OPHN1: variants seen among roughly 807,000 people sequenced by gnomAD.
OPHN1 encodes the protein oligophrenin 1, also known as oligophrenin-1.
A neutral mutation model predicts 60.7 loss-of-function variants in OPHN1; 11 were observed. The ratio of observed to expected loss-of-function variants is 0.18; its 90% CI spans 0.11 to 0.30. The LOEUF (loss-of-function observed/expected upper bound fraction) is 0.30. Among genes scored for constraint, OPHN1 ranks in the 10% least tolerant of loss-of-function variants. OPHN1 has a pLI of 1.00. For synonymous variants in OPHN1, 226 were observed against 222.6 expected, an observed-to-expected ratio of 1.02 and a Z score of -0.14; for missense variants, 449 against 611.0, an observed-to-expected ratio of 0.73 and a Z score of 2.80.
intron 2 of OPHN1, among the ~76,000 whole-genome samples, chrX:68,422,641 A>T (rs1229973515): frequency 1.0e-5 from 1 of 98,685 alleles, no homozygotes; most frequent in African/African-American, 3.7e-5. Flanking sequence ...AAAGGAAGGA[A>T]GGAAGGAGGG....
chrX:68,181,171 C>G (rs1365102005), intron 15 of OPHN1, among the ~76,000 whole-genome samples: 1 of 110,946 alleles, frequency 9.0e-6, no homozygotes, highest in Non-Finnish European at 1.9e-5. Context: ...CTGTAAGTAA[C>G]AAGCCTGAAT....
At chrX:68,417,413 C>T (rs1434940327) in intron 2 of OPHN1, among the ~76,000 whole-genome samples, 2 of 112,076 alleles carry the variant, frequency 1.8e-5, no homozygotes, top group Admixed American at 1.9e-4. Context: ...TTCCTTATCC[C>T]CTCTCTCTTC....
At chrX:68,155,766 C>G (rs1692223994) in intron 15 of OPHN1, among the ~76,000 whole-genome samples, 1 of 111,721 alleles carries the variant, frequency 9.0e-6, no homozygotes, top group African/African-American at 3.3e-5. Flanking sequence ...GAAAACCCAA[C>G]CTGATAAGCA....
intron 15 of OPHN1, among the ~76,000 whole-genome samples, chrX:68,156,758 T>A (rs1159347933): frequency 9.0e-6 from 1 of 111,618 alleles, no homozygotes; most frequent in African/African-American, 3.3e-5. Flanking sequence ...CTTGAAAAAA[T>A]TTACAAAATG....
At chrX:68,275,514 G>A (rs1422558342) in intron 4 of OPHN1, among the ~76,000 whole-genome samples, 1 of 111,254 alleles carries the variant, frequency 9.0e-6, no homozygotes, top group Non-Finnish European at 1.9e-5. Flanking sequence ...ATATGTTCAA[G>A]GCAACAAGTG....
At chrX:68,063,178 C>G (rs2076899217) in intron 21 of OPHN1, among the ~76,000 whole-genome samples, 1 of 109,683 alleles carries the variant, frequency 9.1e-6, no homozygotes, top group Non-Finnish European at 1.9e-5. Context: ...CTACAGCAGC[C>G]TCCATTTCCA....
chrX:68,234,445 A>G lies in OPHN1; in HGVS notation c.486+42T>C, dbSNP rs758569231. 4 of 994,490 alleles carry G rather than the reference A, an allele frequency of 4.0e-6. No individual in the cohort carries two copies. In the South Asian group the frequency reaches 7.6e-5, roughly 19 times the overall value. 82.0% of individuals were successfully genotyped at this position (994,490 alleles called of 1,213,427 possible). On this transcript the variant is annotated intron_variant, in intron 6 of 24. Transcript: ENST00000355520. ...ACAAAATTCACACTGTTTCTAAGGC[A>G]TAGCTAGCAATGGAAGGCAGGGGCA...
chrX:68,244,105 CA>C (rs1225846756), intron 5 of OPHN1, among the ~76,000 whole-genome samples: 3 of 112,519 alleles, frequency 2.7e-5, no homozygotes, highest in Non-Finnish European at 3.8e-5. Context: ...TCACTTCAGA[CA>C]CAATGGCCTT....
intron 15 of OPHN1, among the ~76,000 whole-genome samples, chrX:68,142,802 C>A (rs771590136): frequency 9.0e-6 from 1 of 111,610 alleles, no homozygotes; most frequent in African/African-American, 3.3e-5. Flanking sequence ...TTATAATCTA[C>A]GATCAAATTC....
intron 5 of OPHN1, among the ~76,000 whole-genome samples, chrX:68,235,753 G>C (rs2077750144): frequency 9.1e-6 from 1 of 110,477 alleles, no homozygotes; most frequent in African/African-American, 3.3e-5. Context: ...AGCTACTTGG[G>C]AGGCTGAGGC....
intron 12 of OPHN1, 33 bp from the exon 13 acceptor site, chrX:68,194,531 C>T (rs1318128623): frequency 1.8e-6 from 2 of 1,127,082 alleles, no homozygotes; most frequent in African/African-American, 1.8e-5. Flanking sequence ...AGATCCATGG[C>T]TATTGTCAAT....
rs908167398 is a variant in OPHN1 at position 68,113,471 on chromosome X, G to A, written c.1362-232C>T. ...TAGCAAGGTCTCCAACTAGCTCCCA[G>A]AAGTAAAAAGAGGCACAAACCAGTC... On this transcript the variant is annotated intron_variant, in intron 16 of 24. Transcript: ENST00000355520. Among the ~76,000 whole-genome samples, 6 of 111,524 alleles carry A rather than the reference G, an allele frequency of 5.4e-5. No homozygotes were observed. In the Admixed American group the frequency reaches 5.7e-4, roughly 11 times the overall value.
intron 15 of OPHN1, 86 bp from the exon 16 acceptor site, chrX:68,119,418 A>G (rs780080844): frequency 1.5e-6 from 1 of 673,797 alleles, no homozygotes; most frequent in Non-Finnish European, 2.4e-6. Flanking sequence ...AACAAAGTAT[A>G]TTACCCTAAG....
chrX:68,067,710 G>A (rs1049787224), intron 20 of OPHN1, among the ~76,000 whole-genome samples: 1 of 110,573 alleles, frequency 9.0e-6, no homozygotes. Context: ...TTAAAGAAGT[G>A]GAATAATCAG....
chrX:68,433,686 G>A (rs1428584442), upstream of OPHN1: 1 of 296,135 alleles, frequency 3.4e-6, no homozygotes, highest in Non-Finnish European at 5.9e-6. Context: ...CTGGTGCAAG[G>A]GAGCCGGCCG....
chrX:68,386,410 A>C lies in OPHN1; in HGVS notation c.154+46457T>G, dbSNP rs763876165. On this transcript the variant is annotated intron_variant, in intron 2 of 24. Coordinates refer to ENST00000355520, the MANE Select transcript of OPHN1 (RefSeq NM_002547.3). ...TTTAACCCCTTCCTGAAACTAGACA[A>C]GAAACTACAATGAATAAACCTTTTC... Among the ~76,000 whole-genome samples, 11 of 112,310 alleles carry C rather than the reference A, an allele frequency of 9.8e-5. 1 individual carries two copies. The South Asian group carries it at 2.2e-3, about 23-fold the overall frequency.
intron 2 of OPHN1, among the ~76,000 whole-genome samples, chrX:68,306,528 T>G (rs1006747680): frequency 8.9e-6 from 1 of 112,183 alleles, no homozygotes; most frequent in African/African-American, 3.2e-5. Flanking sequence ...GGAAAATACA[T>G]GAGCTGCTTC....
intron 2 of OPHN1, among the ~76,000 whole-genome samples, chrX:68,309,052 G>A (rs1001204912): frequency 1.1e-4 from 12 of 111,516 alleles, no homozygotes; most frequent in African/African-American, 3.9e-4. Flanking sequence ...CTCCCAAAGT[G>A]TTGGGATTAC....
chrX:68,108,049 G>T (rs1002095780), intron 18 of OPHN1, among the ~76,000 whole-genome samples: 4 of 111,853 alleles, frequency 3.6e-5, no homozygotes, highest in Non-Finnish European at 7.5e-5. Flanking sequence ...GCAATAAAGA[G>T]ATTTCCTTCC....
Sources: gnomAD v4.1 joint callset for allele counts (sites outside exome capture counted in the v4.1 genomes callset) on GRCh38, gnomAD v4.1.1 for gene constraint, MANE v1.5 for transcripts, NCBI Gene and HGNC (gene_info 2026-07-23, HGNC 2026-07-21) for gene names.